Variants in CDKN3 observed in about 807,000 individuals in gnomAD.
CDKN3 encodes the protein cyclin-dependent kinase inhibitor 3.
CDKN3 carries 19 observed loss-of-function variants against 36.1 expected under a neutral mutation model. The observed-to-expected ratio is 0.53, with a 90% confidence interval of 0.37 to 0.77. The LOEUF is 0.77. Ranked by LOEUF, CDKN3 falls within the 30% of genes least tolerant of loss-of-function variation. CDKN3 has a pLI of 0.00. For missense variants in CDKN3, 188 were observed against 248.6 expected (o/e 0.76, Z 1.64); for synonymous variants, 71 against 85.3 (o/e 0.83, Z 0.92).
chr14:54,412,224 T>C (rs934997919), intron 5 of CDKN3, among the ~76,000 whole-genome samples: 1 of 151,656 alleles, frequency 6.6e-6, no homozygotes, highest in African/African-American at 2.4e-5. Context: ...CCGCAAAAAG[T>C]ATACAAAAGA....
chr14:54,410,956 A>G (rs1432639971), intron 4 of CDKN3, among the ~76,000 whole-genome samples: 1 of 152,126 alleles, frequency 6.6e-6, no homozygotes, highest in African/African-American at 2.4e-5. Context: ...AGGCGGGCAG[A>G]TCAACTGAGG....
Position 54,417,835 on chromosome 14 carries a change from C to G in CDKN3, c.449-13C>G. The G allele has an allele frequency of 6.8e-7, 1 of 1,463,526 alleles. No homozygotes were observed. The highest frequency in any genetic ancestry group is 9.4e-7 in the Non-Finnish European group (1 of 1,059,766). The allele number at this position is 1,463,526 out of a possible 1,614,324, so 90.7% of individuals were successfully genotyped here. On this transcript the variant is annotated splice_polypyrimidine_tract_variant and intron_variant, in intron 6 of 7. Transcript: ENST00000335183. ...ATTTAATAACATATTATTTTTCTGT[C>G]ATGTTCCATTAGTAGCTGCTTGTCT...
intron 4 of CDKN3, among the ~76,000 whole-genome samples, chr14:54,409,995 C>T (rs575035519): frequency 1.3e-5 from 2 of 152,170 alleles, no homozygotes; most frequent in African/African-American, 2.4e-5. Flanking sequence ...TTTAGACACA[C>T]CCACCATGCT....
At chr14:54,413,886 G>A (rs1262968259) in intron 5 of CDKN3, 2 of 1,275,770 alleles carry the variant, frequency 1.6e-6, no homozygotes, top group Non-Finnish European at 2.0e-6. Flanking sequence ...GAAAACAACA[G>A]AAATTTCTTC....
chr14:54,411,881 A>G (rs754608731), intron 5 of CDKN3, 175 bp downstream of exon 5: 25 of 652,992 alleles, frequency 3.8e-5, no homozygotes, highest in Non-Finnish European at 6.9e-5. Context: ...GTAGTCAAAT[A>G]CGTGCTGTTA....
intron 3 of CDKN3, 146 bp from the exon 4 acceptor site, chr14:54,408,598 GA>G: frequency 2.2e-6 from 2 of 902,530 alleles, no homozygotes; most frequent in Non-Finnish European, 3.2e-6. Context: ...AGAAATATAA[GA>G]AATTGAAATT....
chr14:54,409,306 T>A, intron 4 of CDKN3, among the ~76,000 whole-genome samples: 1 of 152,186 alleles, frequency 6.6e-6, no homozygotes, highest in Non-Finnish European at 1.5e-5. Flanking sequence ...ATAATCCTCA[T>A]AATCTGCCCC....
intron 3 of CDKN3, among the ~76,000 whole-genome samples, chr14:54,406,413 G>C (rs1004270325): frequency 6.6e-6 from 1 of 152,026 alleles, no homozygotes; most frequent in Non-Finnish European, 1.5e-5. Flanking sequence ...AAGTTCTCCT[G>C]GATAATATCC....
chr14:54,414,947 A>G (rs2030489195), intron 5 of CDKN3, among the ~76,000 whole-genome samples: 1 of 151,518 alleles, frequency 6.6e-6, no homozygotes, highest in South Asian at 2.1e-4. Flanking sequence ...GTCAATACCT[A>G]TTCAGTCCTC....
At chr14:54,411,366 T>A in intron 4 of CDKN3, 118 bp from the exon 5 acceptor site, 1 of 710,538 alleles carries the variant, frequency 1.4e-6, no homozygotes, top group Non-Finnish European at 2.3e-6. Flanking sequence ...GATTTATAGA[T>A]TGTCATTTGG....
At chr14:54,419,208 C>G (rs1166774263) in intron 7 of CDKN3, among the ~76,000 whole-genome samples, 1 of 152,048 alleles carries the variant, frequency 6.6e-6, no homozygotes, top group African/African-American at 2.4e-5. Context: ...GTTCACCTCT[C>G]TTCTCTTGAA....
chr14:54,407,054 A>G (rs555024537), intron 3 of CDKN3, among the ~76,000 whole-genome samples: 10 of 152,170 alleles, frequency 6.6e-5, no homozygotes, highest in African/African-American at 2.4e-4. Flanking sequence ...GTTGATGTTG[A>G]TGCTATTGCT....
intron 3 of CDKN3, among the ~76,000 whole-genome samples, chr14:54,408,160 C>A (rs2030225087): frequency 6.6e-6 from 1 of 152,160 alleles, no homozygotes; most frequent in African/African-American, 2.4e-5. Context: ...AATGGTAGTT[C>A]TACTTTTAGT....
chr14:54,408,645 A>G (rs755978290), intron 3 of CDKN3, 100 bp from the exon 4 acceptor site: 3 of 1,187,774 alleles, frequency 2.5e-6, no homozygotes, highest in African/African-American at 3.2e-5. Context: ...ATAAATGATT[A>G]CGTGAAATGA....
At chr14:54,401,609 A>T in intron 3 of CDKN3, 30 bp downstream of exon 3, 2 of 1,426,430 alleles carry the variant, frequency 1.4e-6, no homozygotes, top group African/African-American at 1.4e-5. Context: ...GCTTCCTATC[A>T]ATATGTATAT....
chr14:54,402,336 A>G (rs899589162), intron 3 of CDKN3, among the ~76,000 whole-genome samples: 16 of 122,366 alleles, frequency 1.3e-4, no homozygotes, highest in East Asian at 4.6e-4. Context: ...GTGTGTGTGT[A>G]TGTATATCTC....
chr14:54,404,030 T>C (rs1401887184), intron 3 of CDKN3, among the ~76,000 whole-genome samples: 1 of 152,204 alleles, frequency 6.6e-6, no homozygotes, highest in Non-Finnish European at 1.5e-5. Flanking sequence ...GGTTTTGGTA[T>C]CAGGATGATG....
intron 1 of CDKN3, among the ~76,000 whole-genome samples, chr14:54,398,531 C>G (rs1296362656): frequency 6.6e-6 from 1 of 152,340 alleles, no homozygotes; most frequent in East Asian, 1.9e-4. Flanking sequence ...AAGGGGCAAG[C>G]CCACGTGGCA....
At chr14:54,417,819 CAT>C (rs769636663) in intron 6 of CDKN3, 27 bp from the exon 7 acceptor site, 1 of 1,237,774 alleles carries the variant, frequency 8.1e-7, no homozygotes. Context: ...TATTTAATAA[CAT>C]ATTATTTTTC....
Sources: allele counts gnomAD v4.1 joint callset (sites outside exome capture counted in the v4.1 genomes callset), GRCh38; gene constraint gnomAD v4.1.1; transcripts MANE v1.5; gene names NCBI Gene and HGNC (gene_info 2026-07-23, HGNC 2026-07-21).